The following DOCK4 variants were observed in gnomAD, a reference collection of about 807,000 sequenced individuals.
DOCK4 encodes the protein dedicator of cytokinesis 4.
DOCK4 carries 97 observed loss-of-function variants against 268.1 expected under a neutral mutation model. That is an observed-to-expected ratio of 0.36 (90% CI 0.31 to 0.43). The LOEUF (loss-of-function observed/expected upper bound fraction) is 0.43. Ranked by LOEUF, DOCK4 falls within the 20% of genes least tolerant of loss-of-function variation. DOCK4 has a pLI of 1.00. For missense variants in DOCK4, 2,145 were observed against 2,455.7 expected (o/e 0.87, Z 2.67); for synonymous variants, 954 against 887.2 (o/e 1.08, Z -1.34).
chr7:112,140,468 T>C (rs2116262787), intron 1 of DOCK4, among the ~76,000 whole-genome samples: 1 of 152,220 alleles, frequency 6.6e-6, no homozygotes, highest in South Asian at 2.1e-4. Context: ...AAGATTAATA[T>C]TCTTGGATCT....
chr7:111,819,769 C>T (rs1434848306), intron 27 of DOCK4: 1 of 152,142 alleles, frequency 6.6e-6, no homozygotes, highest in Non-Finnish European at 1.5e-5. Context: ...ACTTCTCAGC[C>T]ACCTGCTATC....
chr7:112,110,234 A>T (rs7787177), intron 1 of DOCK4, among the ~76,000 whole-genome samples: 102,902 of 152,058 alleles, frequency 0.68, 36,660 homozygotes, highest in African/African-American at 0.91. Flanking sequence ...TACTAAAAAA[A>T]CTGCTCTTAA....
chr7:112,020,366 A>C (rs191527531), intron 1 of DOCK4, among the ~76,000 whole-genome samples: 1 of 152,186 alleles, frequency 6.6e-6, no homozygotes, highest in Non-Finnish European at 1.5e-5. Context: ...TCACCTTCAC[A>C]CTATTCCCCA....
At chr7:112,012,284 C>T (rs1801398482) in intron 1 of DOCK4, among the ~76,000 whole-genome samples, 1 of 151,484 alleles carries the variant, frequency 6.6e-6, no homozygotes, top group Non-Finnish European at 1.5e-5. Flanking sequence ...TAGACAGACG[C>T]AGGCTTAAGA....
At chr7:112,100,301 T>G (rs1329019457) in intron 1 of DOCK4, among the ~76,000 whole-genome samples, 1 of 152,248 alleles carries the variant, frequency 6.6e-6, no homozygotes. Flanking sequence ...TTTTGAGATC[T>G]CTGGCACTCC....
intron 28 of DOCK4, among the ~76,000 whole-genome samples, chr7:111,809,948 C>A (rs1800965287): frequency 7.1e-6 from 1 of 140,606 alleles, no homozygotes. Context: ...AAAACAGAAT[C>A]AGAAAGAGAT....
rs536148132 is a variant in DOCK4 at position 111,832,973 on chromosome 7, C to T, written c.2835+1615G>A. On this transcript the variant is annotated intron_variant, in intron 26 of 52. Coordinates refer to ENST00000428084, the MANE Select transcript of DOCK4 (RefSeq NM_001363540.2). The stretch of plus-strand genomic sequence containing the variant: ...AATACCAAAGCATAAAACTCAACAC[C>T]TGGATAATTAGTCATGTCTTTCAGT... Among the ~76,000 whole-genome samples, 6 of 152,298 alleles carry T rather than the reference C, an allele frequency of 3.9e-5. No homozygotes were observed. The South Asian group carries it at 1.2e-3, about 32-fold the overall frequency.
chr7:111,898,175 T>C (rs889421140), intron 15 of DOCK4, among the ~76,000 whole-genome samples: 6 of 152,302 alleles, frequency 3.9e-5, no homozygotes, highest in Non-Finnish European at 8.8e-5. Flanking sequence ...AATAAAAGAC[T>C]ATACAAGATC....
intron 23 of DOCK4, among the ~76,000 whole-genome samples, chr7:111,855,184 A>G (rs1722136739): frequency 6.6e-6 from 1 of 152,198 alleles, no homozygotes; most frequent in South Asian, 2.1e-4. Context: ...CTGGGATGTG[A>G]GTAGGAGCTG....
At position 111,983,862 on chromosome 7, in the gene DOCK4, G is replaced by GCACACACACACACACACACACACA. The variant is rs1554402961; in HGVS notation, c.549+420_549+443dup. 1.8e-3 allele frequency among the ~76,000 whole-genome samples: 246 copies of GCACACACACACACACACACACACA among 138,630 alleles called. 1 individual carries two copies. The Middle Eastern group carries it at 0.018, about 10-fold the overall frequency. The allele number at this position is 138,630 out of a possible 152,430, so 90.9% of individuals were successfully genotyped here. Reference sequence around the variant, plus strand: ...CACACACACGCGCGCGCGCGCGCGCGCACACACACACACACACACACACAC... The same window carrying GCACACACACACACACACACACACA: ...CACACACACGCGCGCGCGCGCGCGCGCACACACACACACACACACACACACACACACACACACACACACACACAC... On this transcript the variant is annotated intron_variant, in intron 7 of 52. Transcript: ENST00000428084.
At position 111,740,688 on chromosome 7, in the gene DOCK4, G is replaced by A. The variant is rs556049004; in HGVS notation, c.5040+406C>T. Among the ~76,000 whole-genome samples, 81 of 119,886 alleles carry A rather than the reference G, an allele frequency of 6.8e-4. 1 individual carries two copies. Among genetic ancestry groups the A allele is most frequent in the Admixed American group, 3.1e-3 (27 of 8,836 alleles). 78.6% of individuals were successfully genotyped at this position (119,886 alleles called of 152,430 possible). On this transcript the variant is annotated intron_variant, in intron 47 of 52. Coordinates refer to ENST00000428084, the MANE Select transcript of DOCK4 (RefSeq NM_001363540.2). The stretch of plus-strand genomic sequence containing the variant: ...GCGGAGGTTGCAGTGAGCCAAGATC[G>A]CACCACTGCACTCCAGACTGGGAGA...
intron 1 of DOCK4, among the ~76,000 whole-genome samples, chr7:112,098,684 T>G (rs1337273472): frequency 1.3e-5 from 2 of 149,764 alleles, no homozygotes; most frequent in African/African-American, 4.9e-5. Context: ...ATTATATAGA[T>G]TATGTAAAAT....
chr7:111,805,507 G>A (rs2133879287), intron 30 of DOCK4, among the ~76,000 whole-genome samples: 1 of 152,220 alleles, frequency 6.6e-6, no homozygotes, highest in South Asian at 2.1e-4. Context: ...GATGATTTAT[G>A]GTTAAAAATA....
intron 44 of DOCK4, among the ~76,000 whole-genome samples, chr7:111,744,935 A>G (rs956486688): frequency 6.6e-6 from 1 of 152,246 alleles, no homozygotes; most frequent in East Asian, 1.9e-4. Flanking sequence ...TTTCTAATCC[A>G]AAGAGCATGC....
chr7:111,782,970 G>A (rs1798883378), intron 34 of DOCK4, 46 bp from the exon 35 acceptor site: 2 of 1,508,970 alleles, frequency 1.3e-6, no homozygotes, highest in South Asian at 1.2e-5. Context: ...TCCTTCCTAG[G>A]GGCAAACACA....
At chr7:111,867,284 C>T (rs929302747) in intron 22 of DOCK4, among the ~76,000 whole-genome samples, 1 of 152,150 alleles carries the variant, frequency 6.6e-6, no homozygotes, top group Non-Finnish European at 1.5e-5. Context: ...TTTCTCTAAC[C>T]TCTAGGGCAT....
At chr7:111,877,857 C>T (rs934194333) in intron 16 of DOCK4, among the ~76,000 whole-genome samples, 4 of 152,158 alleles carry the variant, frequency 2.6e-5, no homozygotes, top group African/African-American at 9.7e-5. Context: ...GAAGAGGAAT[C>T]GGATGTTCAT....
At chr7:112,122,921 T>TA (rs1812873209) in intron 1 of DOCK4, among the ~76,000 whole-genome samples, 1 of 152,212 alleles carries the variant, frequency 6.6e-6, no homozygotes, top group African/African-American at 2.4e-5. Context: ...ATATGAGGTG[T>TA]AGACGCCAAG....
At chr7:111,929,394 A>G (rs892851291) in intron 12 of DOCK4, among the ~76,000 whole-genome samples, 1 of 152,194 alleles carries the variant, frequency 6.6e-6, no homozygotes, top group Non-Finnish European at 1.5e-5. Context: ...AACTTTAAAG[A>G]GAGATCATGG....
Sources: allele counts gnomAD v4.1 joint callset (sites outside exome capture counted in the v4.1 genomes callset), GRCh38; gene constraint gnomAD v4.1.1; transcripts MANE v1.5; gene names NCBI Gene and HGNC (gene_info 2026-07-23, HGNC 2026-07-21).